The following TRABD2B variants were observed in gnomAD, a reference collection of about 807,000 sequenced individuals.
The protein encoded by TRABD2B is TraB domain containing 2B.
A neutral mutation model predicts 40.1 loss-of-function variants in TRABD2B; 14 were observed. That is an observed-to-expected ratio of 0.35 (90% confidence interval 0.23 to 0.55). The LOEUF (loss-of-function observed/expected upper bound fraction) is 0.55. Ranked by LOEUF, TRABD2B falls within the 20% of genes least tolerant of loss-of-function variation. The probability of loss-of-function intolerance (pLI) is 0.90; values close to 1 mark genes in which losing one functional copy is unlikely to be tolerated. For synonymous variants in TRABD2B, 263 were observed against 277.0 expected, an observed-to-expected ratio of 0.95 and a Z score of 0.50; for missense variants, 541 against 648.6, an observed-to-expected ratio of 0.83 and a Z score of 1.80.
At position 47,955,825 on chromosome 1, in the gene TRABD2B, G is replaced by A. The variant is rs534588000; in HGVS notation, c.666+38209C>T. On this transcript the variant is annotated intron_variant, in intron 2 of 6. Transcript: ENST00000606738. ...TCCTTGGGCCAAGCCTGCCAGGCCAGGAGTCCACTGCTCAGCAACCCCAGG... is the reference window on the plus strand; with the variant it reads ...TCCTTGGGCCAAGCCTGCCAGGCCAAGAGTCCACTGCTCAGCAACCCCAGG... Among the ~76,000 whole-genome samples, 780 of 152,312 alleles carry A rather than the reference G, an allele frequency of 5.1e-3. 3 individuals are homozygous for A. Among genetic ancestry groups the A allele is most frequent in the African/African-American group, 0.018 (740 of 41,562 alleles).
intron 2 of TRABD2B, among the ~76,000 whole-genome samples, chr1:47,922,552 G>A (rs982374412): frequency 6.6e-6 from 1 of 152,180 alleles, no homozygotes; most frequent in Non-Finnish European, 1.5e-5. Flanking sequence ...CTCTGGCTTC[G>A]CCTGCCACTG....
intron 2 of TRABD2B, among the ~76,000 whole-genome samples, chr1:47,961,808 C>T (rs1273773924): frequency 2.0e-5 from 3 of 152,320 alleles, no homozygotes; most frequent in East Asian, 1.9e-4. Flanking sequence ...AGTGTGGAGA[C>T]TCCTCAAGGA....
chr1:47,817,339 G>A (rs76180938), intron 2 of TRABD2B, among the ~76,000 whole-genome samples: 1 of 152,056 alleles, frequency 6.6e-6, no homozygotes, highest in Non-Finnish European at 1.5e-5. Flanking sequence ...TCCCATCTGG[G>A]TTCCCAGTGT....
intron 2 of TRABD2B, among the ~76,000 whole-genome samples, chr1:47,833,901 G>A (rs1207597757): frequency 6.6e-6 from 1 of 152,228 alleles, no homozygotes; most frequent in East Asian, 1.9e-4. Context: ...ATTAACCAAA[G>A]GCTTGCGGGA....
At chr1:47,786,683 G>A (rs894013248) in intron 4 of TRABD2B, among the ~76,000 whole-genome samples, 2 of 152,156 alleles carry the variant, frequency 1.3e-5, no homozygotes, top group Non-Finnish European at 2.9e-5. Context: ...AGAGAGGATA[G>A]CAGCTGTTAT....
intron 2 of TRABD2B, among the ~76,000 whole-genome samples, chr1:47,942,894 T>C (rs539300553): frequency 5.8e-4 from 89 of 152,352 alleles, no homozygotes; most frequent in Middle Eastern, 6.8e-3. Flanking sequence ...TGCTTCTTAC[T>C]TGCTATACCC....
intron 4 of TRABD2B, among the ~76,000 whole-genome samples, chr1:47,780,971 C>T (rs531253309): frequency 7.2e-5 from 11 of 152,290 alleles, no homozygotes; most frequent in Admixed American, 2.6e-4. Flanking sequence ...GTTCTTTGAC[C>T]GACTCCTTGG....
At chr1:47,785,870 C>T (rs1160736515) in intron 4 of TRABD2B, among the ~76,000 whole-genome samples, 1 of 152,234 alleles carries the variant, frequency 6.6e-6, no homozygotes, top group African/African-American at 2.4e-5. Context: ...GGGCCCCACG[C>T]CTCCTGAGCC....
chr1:47,945,777 A>C (rs1204201048), intron 2 of TRABD2B, among the ~76,000 whole-genome samples: 1 of 152,054 alleles, frequency 6.6e-6, no homozygotes, highest in Non-Finnish European at 1.5e-5. Flanking sequence ...CATTATTTGG[A>C]TACACCACAG....
At chr1:47,830,171 T>A (rs72690401) in intron 2 of TRABD2B, among the ~76,000 whole-genome samples, 2 of 152,192 alleles carry the variant, frequency 1.3e-5, no homozygotes, top group African/African-American at 4.8e-5. Flanking sequence ...CCCTCCCAGA[T>A]GGGACCTCCC....
intron 2 of TRABD2B, among the ~76,000 whole-genome samples, chr1:47,852,864 A>G (rs902822892): frequency 6.6e-6 from 1 of 152,126 alleles, no homozygotes; most frequent in Admixed American, 6.5e-5. Flanking sequence ...ATTTCAAAGT[A>G]TATATATATT....
chr1:47,925,244 T>C (rs1024121572), intron 2 of TRABD2B, among the ~76,000 whole-genome samples: 4 of 152,196 alleles, frequency 2.6e-5, no homozygotes, highest in African/African-American at 7.2e-5. Context: ...GAGGATCTTA[T>C]AGAAAATAGA....
chr1:47,896,030 C>T (rs1644515498), intron 2 of TRABD2B, among the ~76,000 whole-genome samples: 1 of 152,254 alleles, frequency 6.6e-6, no homozygotes, highest in South Asian at 2.1e-4. Flanking sequence ...CTGGGCTTCA[C>T]AGGCACACAT....
At chr1:47,938,067 T>C (rs1645137695) in intron 2 of TRABD2B, among the ~76,000 whole-genome samples, 3 of 152,210 alleles carry the variant, frequency 2.0e-5, no homozygotes, top group East Asian at 1.9e-4. Context: ...AATTACATAT[T>C]GTAGCCACCA....
intron 5 of TRABD2B, among the ~76,000 whole-genome samples, chr1:47,777,745 T>G (rs1644466628): frequency 1.3e-5 from 2 of 151,880 alleles, no homozygotes; most frequent in Admixed American, 6.6e-5. Context: ...AACCCTGGAG[T>G]CTGAGGATCC....
At chr1:47,920,675 G>A (rs1644889571) in intron 2 of TRABD2B, among the ~76,000 whole-genome samples, 2 of 152,224 alleles carry the variant, frequency 1.3e-5, no homozygotes, top group Non-Finnish European at 2.9e-5. Flanking sequence ...AAAGGTCCCT[G>A]GCAGTGCCTG....
At chr1:47,869,405 A>G (rs1002076044) in intron 2 of TRABD2B, among the ~76,000 whole-genome samples, 1 of 152,232 alleles carries the variant, frequency 6.6e-6, no homozygotes, top group African/African-American at 2.4e-5. Context: ...TAACCACCAA[A>G]TCAGTCAGCA....
intron 2 of TRABD2B, among the ~76,000 whole-genome samples, chr1:47,841,843 G>C (rs2124487515): frequency 6.9e-6 from 1 of 145,354 alleles, no homozygotes; most frequent in East Asian, 2.0e-4. Flanking sequence ...TGTGATTTCA[G>C]CTCACTGCAA....
chr1:47,827,166 C>A (rs1645187408), intron 2 of TRABD2B, among the ~76,000 whole-genome samples: 1 of 152,210 alleles, frequency 6.6e-6, no homozygotes, highest in South Asian at 2.1e-4. Flanking sequence ...TGCCATCTAT[C>A]CCAGCAAGCT....
Sources: allele counts gnomAD v4.1 joint callset (sites outside exome capture counted in the v4.1 genomes callset), GRCh38; gene constraint gnomAD v4.1.1; transcripts MANE v1.5; gene names NCBI Gene and HGNC (gene_info 2026-07-23, HGNC 2026-07-21).